The following TUBB3 variants were observed in gnomAD, a reference collection of about 807,000 sequenced individuals.
The protein encoded by TUBB3 is tubulin beta 3 class III.
Under a neutral mutation model 37.8 loss-of-function variants are expected in TUBB3, and 17 were observed. That is an observed-to-expected ratio of 0.45 (90% CI 0.31 to 0.67). The LOEUF (loss-of-function observed/expected upper bound fraction) is 0.67. TUBB3 is among the 30% of genes least tolerant of loss of function. The pLI is 0.07. For synonymous variants in TUBB3, 332 were observed against 278.9 expected (o/e 1.19, Z -1.90); for missense variants, 262 against 657.9 (o/e 0.40, Z 6.58).
rs567459369 is a variant in TUBB3, at chr16:89,931,425, G to C, written c.58-1146G>C. On this transcript the variant is annotated intron_variant, in intron 1 of 3. Transcript: ENST00000315491. ...ATTGGGAGAGGTCAGGCAGCCCTGG[G>C]AAGCCTCCCAGCGTGTGTCCCAGGA... Among the ~76,000 whole-genome samples the C allele has an allele frequency of 8.5e-5, 13 of 152,324 alleles. No individual in the cohort carries two copies. In the South Asian group the frequency reaches 2.7e-3, roughly 32 times the overall value.
chr16:89,935,189 C>T lies in TUBB3; in HGVS notation c.738C>T (p.Leu246=). 1 of 1,613,854 alleles carries T rather than the reference C, an allele frequency of 6.2e-7. No individual in the cohort carries two copies. Among genetic ancestry groups the T allele is most frequent in the South Asian group, 1.1e-5 (1 of 91,076 alleles). Residue 246 remains leucine (L), a synonymous_variant, in exon 4 of 4, where the codon CTC becomes CTT. Coordinates refer to ENST00000315491, the MANE Select transcript of TUBB3 (RefSeq NM_006086.4). Reference sequence around the variant, plus strand: ...CCTCCTTGCGCTTCCCGGGCCAGCTCAACGCTGACCTGCGCAAGCTGGCCG... The same window carrying T: ...CCTCCTTGCGCTTCCCGGGCCAGCTTAACGCTGACCTGCGCAAGCTGGCCG... ...VTTSLRFPGQ[L]NADLRKLAVN... is the part of the protein sequence containing the mutation.
intron 2 of TUBB3, 65 bp downstream of exon 2, chr16:89,932,744 C>G: frequency 7.3e-7 from 1 of 1,364,134 alleles, no homozygotes; most frequent in Non-Finnish European, 1.0e-6. Context: ...GTCTGACTGA[C>G]CAGGTCTCAG....
chr16:89,928,009 T>C (rs2030147142), intron 1 of TUBB3, among the ~76,000 whole-genome samples: 1 of 152,112 alleles, frequency 6.6e-6, no homozygotes, highest in African/African-American at 2.4e-5. Context: ...AAGAGAGTGT[T>C]AGGGAGGCAA....
intron 1 of TUBB3, among the ~76,000 whole-genome samples, 188 bp from the exon 2 acceptor site, chr16:89,932,383 G>A (rs535026046): frequency 6.6e-6 from 1 of 152,176 alleles, no homozygotes; most frequent in Non-Finnish European, 1.5e-5. Context: ...TAGGTGTGGA[G>A]GTGCATATTT....
chr16:89,934,580 G>C, intron 3 of TUBB3, 149 bp from the exon 4 acceptor site: 1 of 789,336 alleles, frequency 1.3e-6, no homozygotes, highest in Non-Finnish European at 2.1e-6. Context: ...CGGCGGGTAT[G>C]AGAAGGGGTG....
Position 89,935,262 on chromosome 16 carries a change from G to T in TUBB3, c.811G>T (p.Ala271Ser). ...CCTGCACTTCTTCATGCCCGGCTTC[G>T]CCCCCCTCACAGCCCGGGGCAGCCA... is the stretch of plus-strand genomic sequence containing the variant. ...PRLHFFMPGF[A>S]PLTARGSQQY... Residue 271 changes from alanine (A) to serine (S), a missense_variant, in exon 4 of 4, where the codon GCC becomes TCC. Ala to Ser is a moderately conservative substitution (Grantham distance 99, BLOSUM62 1). Transcript: ENST00000315491. The T allele has an allele frequency of 1.2e-6, 2 of 1,613,614 alleles. No individual in the cohort carries two copies. Among genetic ancestry groups the T allele is most frequent in the South Asian group, 2.2e-5 (2 of 91,072 alleles).
intron 1 of TUBB3, among the ~76,000 whole-genome samples, chr16:89,926,271 G>T (rs2030078879): frequency 6.6e-6 from 1 of 152,238 alleles, no homozygotes; most frequent in African/African-American, 2.4e-5. Flanking sequence ...CGGGGCTGGG[G>T]GCGGGGCCTG....
Position 89,935,852 on chromosome 16 carries a change from C to A in TUBB3, c.*48C>A, listed in dbSNP as rs768243376. 18 of 1,577,324 alleles carry A rather than the reference C, an allele frequency of 1.1e-5. 1 individual carries two copies. Among genetic ancestry groups the A allele is most frequent in the Admixed American group, 1.1e-4 (6 of 54,476 alleles). The stretch of plus-strand genomic sequence containing the variant: ...AGGCAGGTGGCGGCCGGGGCCGAAG[C>A]CAGCAGTGTCTAAACCCCCGGAGCC... On this transcript the variant is annotated 3_prime_UTR_variant, in exon 4 of 4. Transcript: ENST00000315491.
chr16:89,926,239 C>T (rs1475151962), intron 1 of TUBB3, among the ~76,000 whole-genome samples: 1 of 152,224 alleles, frequency 6.6e-6, no homozygotes, highest in East Asian at 1.9e-4. Context: ...GGCTGCGGCA[C>T]CGCCTCCTCG....
At position 89,933,228 on chromosome 16, in the gene TUBB3, G is replaced by A. The variant is rs1469316273; in HGVS notation, c.167-240G>A. ...CAGACACGAGCCCCTGCATCTGGTG[G>A]ACGTCTGACTGAATCCTGCCTGTCC... On this transcript the variant is annotated intron_variant, in intron 2 of 3. Coordinates refer to ENST00000315491, the MANE Select transcript of TUBB3 (RefSeq NM_006086.4). The A allele has an allele frequency of 4.3e-6, 3 of 690,414 alleles. No homozygotes were observed. In the Admixed American group the frequency reaches 6.0e-5, roughly 14 times the overall value. 42.8% of individuals were successfully genotyped at this position (690,414 alleles called of 1,614,324 possible). A position where few individuals can be genotyped will look rare whatever the true frequency, so the allele number is the denominator to read the frequency against.
At chr16:89,923,708 C>T (rs1374260493) in intron 1 of TUBB3, among the ~76,000 whole-genome samples, 1 of 152,182 alleles carries the variant, frequency 6.6e-6, no homozygotes, top group African/African-American at 2.4e-5. Flanking sequence ...CCTCAGCCCC[C>T]TCCACACCTG....
intron 1 of TUBB3, among the ~76,000 whole-genome samples, chr16:89,929,251 C>A (rs1483168096): frequency 6.6e-6 from 1 of 152,220 alleles, no homozygotes; most frequent in Non-Finnish European, 1.5e-5. Flanking sequence ...GCATGAGCCA[C>A]CACACCCAGC....
intron 2 of TUBB3, chr16:89,933,150 A>G: frequency 1.6e-6 from 1 of 627,778 alleles, no homozygotes; most frequent in South Asian, 1.5e-5. Context: ...CTGGTCTCGA[A>G]CTCCTGGACT....
At position 89,923,395 on chromosome 16, in the gene TUBB3, G is replaced by C; in HGVS notation, c.-7G>C. On this transcript the variant is annotated 5_prime_UTR_variant, in exon 1 of 4. Transcript: ENST00000315491. Reference sequence around the variant, plus strand: ...CCGTCCGCAGCCGCCCGCCAGACGCGCCCAGTATGAGGGAGATCGTGCACA... The same window carrying C: ...CCGTCCGCAGCCGCCCGCCAGACGCCCCCAGTATGAGGGAGATCGTGCACA... 1 of 1,485,852 alleles carries C rather than the reference G, an allele frequency of 6.7e-7. No homozygotes were observed. Among genetic ancestry groups the C allele is most frequent in the East Asian group, 3.0e-5 (1 of 33,398 alleles). 92.0% of individuals were successfully genotyped at this position (1,485,852 alleles called of 1,614,324 possible). A position where few individuals can be genotyped will look rare whatever the true frequency, so the allele number is the denominator to read the frequency against.
chr16:89,931,522 G>T (rs1303115694), intron 1 of TUBB3, among the ~76,000 whole-genome samples: 3 of 148,840 alleles, frequency 2.0e-5, no homozygotes, highest in Non-Finnish European at 3.0e-5. Flanking sequence ...ACGATGAGGT[G>T]GCAACTTCCC....
At chr16:89,924,162 G>C (rs574365221) in intron 1 of TUBB3, among the ~76,000 whole-genome samples, 24 of 152,348 alleles carry the variant, frequency 1.6e-4, no homozygotes, top group African/African-American at 4.8e-4. Flanking sequence ...GTGGGGTGTG[G>C]AGGCTGCACC....
intron 1 of TUBB3, among the ~76,000 whole-genome samples, chr16:89,926,654 G>A (rs1184022059): frequency 6.6e-6 from 1 of 152,104 alleles, no homozygotes. Context: ...GCTCACTGCA[G>A]CCTCGGCCTC....
rs1232044435 is a variant in TUBB3 at position 89,923,407 on chromosome 16, G to A, written c.6G>A (p.Arg2=). ...GCCCGCCAGACGCGCCCAGTATGAG[G>A]GAGATCGTGCACATCCAGGCCGGCC... is the stretch of plus-strand genomic sequence containing the variant. M[R]EIVHIQAGQC... Residue 2 remains arginine (R), a synonymous_variant, in exon 1 of 4, where the codon AGG becomes AGA. Transcript: ENST00000315491. 6.0e-6 allele frequency: 9 copies of A among 1,510,008 alleles called. No individual in the cohort carries two copies. Among genetic ancestry groups the A allele is most frequent in the East Asian group, 5.7e-5 (2 of 34,814 alleles). 93.5% of individuals were successfully genotyped at this position (1,510,008 alleles called of 1,614,324 possible).
At chr16:89,922,904 C>CT (rs2029930662), upstream of TUBB3, among the ~76,000 whole-genome samples, 1 of 152,278 alleles carries the variant, frequency 6.6e-6, no homozygotes. Flanking sequence ...AGCACCTTGT[C>CT]TGCCAAAAGA....
Sources: allele counts gnomAD v4.1 joint callset (sites outside exome capture counted in the v4.1 genomes callset), GRCh38; gene constraint gnomAD v4.1.1; transcripts MANE v1.5; gene names NCBI Gene and HGNC (gene_info 2026-07-23, HGNC 2026-07-21).